IL1R1: variants seen among roughly 807,000 people sequenced by gnomAD.
The protein encoded by IL1R1 is interleukin 1 receptor type 1.
A neutral mutation model predicts 50.2 loss-of-function variants in IL1R1; 22 were observed. That is an observed-to-expected ratio of 0.44 (90% CI 0.31 to 0.63). The LOEUF (loss-of-function observed/expected upper bound fraction) is 0.63, where lower values mean the gene tolerates loss of function less well. IL1R1 is among the 20% of genes least tolerant of loss of function. The pLI, the probability that IL1R1 is intolerant of heterozygous loss-of-function variation, is 0.07. For missense variants in IL1R1, 509 were observed against 676.2 expected (o/e 0.75, Z 2.74); for synonymous variants, 251 against 236.7 (o/e 1.06, Z -0.55).
chr2:102,114,532 C>T (rs573423889), intron 1 of IL1R1, among the ~76,000 whole-genome samples: 1 of 152,142 alleles, frequency 6.6e-6, no homozygotes, highest in Non-Finnish European at 1.5e-5. Context: ...AAGGTTTAAG[C>T]ATTTCTCGAG....
At chr2:102,127,590 C>T (rs1185437337) in intron 1 of IL1R1, among the ~76,000 whole-genome samples, 1 of 151,772 alleles carries the variant, frequency 6.6e-6, no homozygotes, top group Non-Finnish European at 1.5e-5. Context: ...TATAGTAAGT[C>T]AGATGGTGAC....
chr2:102,084,030 C>T (rs1184161995), intron 1 of IL1R1, among the ~76,000 whole-genome samples: 2 of 152,122 alleles, frequency 1.3e-5, no homozygotes, highest in African/African-American at 2.4e-5. Flanking sequence ...GTGGTCTTGA[C>T]CAAGGCCTCA....
intron 1 of IL1R1, among the ~76,000 whole-genome samples, chr2:102,107,995 C>T (rs182056471): frequency 3.3e-5 from 5 of 152,192 alleles, no homozygotes; most frequent in Admixed American, 3.3e-4. Context: ...AGACAGAAGG[C>T]CTGTGCTAGC....
At position 102,179,804 on chromosome 2, in the gene IL1R1, T is replaced by G. The variant is rs923318536; in HGVS notation, c.*3045T>G. 1 of 152,804 alleles carries G rather than the reference T, an allele frequency of 6.5e-6. No homozygotes were observed. Among genetic ancestry groups the G allele is most frequent in the Non-Finnish European group, 1.5e-5 (1 of 68,044 alleles). The allele number at this position is 152,804 out of a possible 1,614,324, so 9.5% of individuals were successfully genotyped here. A position where few individuals can be genotyped will look rare whatever the true frequency, so the allele number is the denominator to read the frequency against. Reference sequence around the variant, plus strand: ...TTTGTATATTAAAGCACCAAATTCATGTACAGCATGCATCACGGATCAATA... The same window carrying G: ...TTTGTATATTAAAGCACCAAATTCAGGTACAGCATGCATCACGGATCAATA... On this transcript the variant is annotated 3_prime_UTR_variant, in exon 12 of 12. Transcript: ENST00000410023.
chr2:102,100,132 G>C (rs1468412105), upstream of IL1R1, among the ~76,000 whole-genome samples: 1 of 152,152 alleles, frequency 6.6e-6, no homozygotes, highest in East Asian at 1.9e-4. Context: ...CACATCGTCG[G>C]GTTCTTTTGG....
In IL1R1 at chr2:102,168,600, G is replaced by A; in HGVS notation, c.658G>A (p.Glu220Lys). The A allele has an allele frequency of 6.2e-7, 1 of 1,613,232 alleles. No individual in the cohort carries two copies. The highest frequency in any genetic ancestry group is 8.5e-7 in the Non-Finnish European group (1 of 1,179,396). The change falls in exon 7 of 12, where the codon GAA becomes AAA. Residue 220 changes from glutamate (E) to lysine (K), a missense_variant and splice_region_variant. Physicochemically the swap from Glu to Lys is moderately conservative, Grantham distance 56. Transcript: ENST00000410023. ...CCTTATGGATGTTTTTCTTTCAGAG[G>A]AAAACAAACCCACAAGGCCTGTGAT... is the stretch of plus-strand genomic sequence containing the variant. ...TRVIEFITLE[E>K]NKPTRPVIVS... is the part of the protein sequence containing the mutation.
intron 3 of IL1R1, among the ~76,000 whole-genome samples, chr2:102,158,651 C>T (rs1684422907): frequency 6.6e-6 from 1 of 152,136 alleles, no homozygotes; most frequent in Admixed American, 6.6e-5. Flanking sequence ...CATAAGGGAC[C>T]AGGCTGTCTG....
At chr2:102,151,894 G>T (rs1383463906) in intron 1 of IL1R1, among the ~76,000 whole-genome samples, 2 of 152,198 alleles carry the variant, frequency 1.3e-5, no homozygotes, top group East Asian at 3.9e-4. Flanking sequence ...AAGGTAGGGA[G>T]CCAGCGCTGG....
Position 102,176,788 on chromosome 2 carries a change from G to C in IL1R1, c.*29G>C, listed in dbSNP as rs984743719. 1.9e-6 allele frequency: 3 copies of C among 1,605,328 alleles called. No individual in the cohort carries two copies. Among genetic ancestry groups the C allele is most frequent in the East Asian group, 2.2e-5 (1 of 44,762 alleles). On this transcript the variant is annotated 3_prime_UTR_variant, in exon 12 of 12. Transcript: ENST00000410023. The stretch of plus-strand genomic sequence containing the variant: ...GGAGAAGTTGCCAAGAGTTCTTTAG[G>C]TGCCTCCTGTCTTATGGCGTTGCAG...
chr2:102,121,708 C>T (rs767511026), intron 1 of IL1R1, among the ~76,000 whole-genome samples: 13 of 152,148 alleles, frequency 8.5e-5, no homozygotes, highest in Non-Finnish European at 1.8e-4. Flanking sequence ...CTCAACAAAG[C>T]CTAGCACATT....
chr2:102,105,223 A>C (rs1262084786), intron 1 of IL1R1, among the ~76,000 whole-genome samples: 6 of 152,214 alleles, frequency 3.9e-5, no homozygotes, highest in African/African-American at 1.2e-4. Flanking sequence ...TGTTAAGTGA[A>C]AGGTGTTGTA....
intron 1 of IL1R1, among the ~76,000 whole-genome samples, chr2:102,087,886 G>C (rs1329640953): frequency 6.6e-6 from 1 of 152,218 alleles, no homozygotes; most frequent in Non-Finnish European, 1.5e-5. Context: ...TTCACCAAGA[G>C]TGGATTCCAT....
At chr2:102,149,961 G>T (rs1390097608) in intron 1 of IL1R1, among the ~76,000 whole-genome samples, 1 of 152,142 alleles carries the variant, frequency 6.6e-6, no homozygotes, top group East Asian at 1.9e-4. Flanking sequence ...CACCTCTGCT[G>T]CCGCTGTCCC....
chr2:102,080,585 A>G (rs1024100942), intron 1 of IL1R1, among the ~76,000 whole-genome samples: 1 of 152,230 alleles, frequency 6.6e-6, no homozygotes, highest in African/African-American at 2.4e-5. Flanking sequence ...GTGAGGACAT[A>G]GAGAAACTGG....
rs375925077 is a variant in IL1R1, at chr2:102,168,749, A to T, written c.721+86A>T. The T allele has an allele frequency of 9.7e-6, 9 of 925,246 alleles. No homozygotes were observed. In the African/African-American group the frequency reaches 1.5e-4, roughly 16 times the overall value. The allele number at this position is 925,246 out of a possible 1,614,324, so 57.3% of individuals were successfully genotyped here. On this transcript the variant is annotated intron_variant, in intron 7 of 11. Coordinates refer to ENST00000410023, the MANE Select transcript of IL1R1 (RefSeq NM_000877.4). ...AAGATAAATTGTATCTTTACTATAT[A>T]TAATCTAAGCCATTTACTGTATAAA... is the stretch of plus-strand genomic sequence containing the variant.
chr2:102,082,392 C>T (rs181090104), intron 1 of IL1R1, among the ~76,000 whole-genome samples: 157 of 152,198 alleles, frequency 1.0e-3, no homozygotes, highest in Admixed American at 2.3e-3. Context: ...CTTGTTTGTT[C>T]TAAAGCCAAG....
intron 1 of IL1R1, among the ~76,000 whole-genome samples, chr2:102,106,850 C>G (rs1418326988): frequency 6.6e-6 from 1 of 152,116 alleles, no homozygotes; most frequent in Non-Finnish European, 1.5e-5. Flanking sequence ...TTATTAAATC[C>G]TGTTGGCAGG....
At chr2:102,149,944 C>T (rs1189782634) in intron 1 of IL1R1, among the ~76,000 whole-genome samples, 1 of 152,178 alleles carries the variant, frequency 6.6e-6, no homozygotes, top group African/African-American at 2.4e-5. Flanking sequence ...CTTCCCCCAG[C>T]TCTGGGCACC....
chr2:102,159,266 T>C (rs1577997045), intron 3 of IL1R1, among the ~76,000 whole-genome samples: 1 of 151,688 alleles, frequency 6.6e-6, no homozygotes, highest in Non-Finnish European at 1.5e-5. Flanking sequence ...GATCATGGAG[T>C]GTAGTTAGGA....
Sources: gnomAD v4.1 joint callset for allele counts (sites outside exome capture counted in the v4.1 genomes callset) on GRCh38, gnomAD v4.1.1 for gene constraint, MANE v1.5 for transcripts, NCBI Gene and HGNC (gene_info 2026-07-23, HGNC 2026-07-21) for gene names.